PLXDC1: variants seen among roughly 807,000 people sequenced by gnomAD.
PLXDC1 encodes plexin domain-containing protein 1.
In PLXDC1, 39 loss-of-function variants were observed where a neutral mutation model predicts 61.3. The observed-to-expected ratio is 0.64, with a 90% confidence interval of 0.49 to 0.83. The LOEUF is 0.83. Ranked by LOEUF, PLXDC1 falls within the 40% of genes least tolerant of loss-of-function variation. The probability of loss-of-function intolerance (pLI) is 0.00; values close to 1 mark genes in which losing one functional copy is unlikely to be tolerated. For synonymous variants in PLXDC1, 212 were observed against 254.5 expected (o/e 0.83, Z 1.59); for missense variants, 596 against 666.5 (o/e 0.89, Z 1.17).
intron 2 of PLXDC1, among the ~76,000 whole-genome samples, chr17:39,112,433 T>A (rs1209657095): frequency 2.0e-5 from 3 of 151,664 alleles, no homozygotes; most frequent in Non-Finnish European, 4.4e-5. Context: ...TTAGATGCTA[T>A]TCAGCCCATC....
At chr17:39,104,391 G>T (rs1033200894) in intron 7 of PLXDC1, among the ~76,000 whole-genome samples, 1 of 152,102 alleles carries the variant, frequency 6.6e-6, no homozygotes, top group Non-Finnish European at 1.5e-5. Flanking sequence ...AAGGTACTGG[G>T]TAAGGCCTTT....
At chr17:39,075,238 C>T (rs114717527) in intron 11 of PLXDC1, among the ~76,000 whole-genome samples, 2,088 of 152,314 alleles carry the variant, frequency 0.014, 35 homozygotes, top group African/African-American at 0.047. Context: ...GGATTACAGG[C>T]GTAAGCCTCC....
chr17:39,092,231 T>C (rs1909982478), intron 7 of PLXDC1, among the ~76,000 whole-genome samples: 1 of 151,658 alleles, frequency 6.6e-6, no homozygotes, highest in African/African-American at 2.4e-5. Flanking sequence ...CACCCCATCA[T>C]GCCTGGCTAA....
rs367791150 is a variant in PLXDC1 at position 39,106,652 on chromosome 17, C to CTT, written c.712-701_712-700dup. 1.7e-3 allele frequency among the ~76,000 whole-genome samples: 232 copies of CTT among 139,876 alleles called. 3 individuals are homozygous for CTT. The highest frequency in any genetic ancestry group is 0.011 in the Middle Eastern group (3 of 274). The allele number at this position is 139,876 out of a possible 152,430, so 91.8% of individuals were successfully genotyped here. On this transcript the variant is annotated intron_variant, in intron 6 of 13. Coordinates refer to ENST00000315392, the MANE Select transcript of PLXDC1 (RefSeq NM_020405.5). ...TCTTTTTTCTTTTTTCTTTTTCTTTCTTTTTTTTTTTTTTTGAGACAGATT... is the reference window on the plus strand; with the variant it reads ...TCTTTTTTCTTTTTTCTTTTTCTTTCTTTTTTTTTTTTTTTTTGAGACAGATT...
rs1909158342 is a variant in PLXDC1, at chr17:39,072,436, AGTTCT to A, written c.1222+9_1222+13del. 2 of 1,542,240 alleles carry A rather than the reference AGTTCT, an allele frequency of 1.3e-6. No individual in the cohort carries two copies. Among genetic ancestry groups the A allele is most frequent in the South Asian group, 2.4e-5 (2 of 84,178 alleles). ...GCTGGGTCTGACGCTGAGGGCAGGC[AGTTCT>A]GTACTCACCGTCTCCTCCTGCATAG... On this transcript the variant is annotated intron_variant, in intron 12 of 13. Transcript: ENST00000315392.
intron 8 of PLXDC1, among the ~76,000 whole-genome samples, chr17:39,085,239 C>T (rs993443704): frequency 3.3e-5 from 5 of 152,226 alleles, no homozygotes; most frequent in African/African-American, 1.2e-4. Context: ...CCTTCAGTCA[C>T]TCTGGGAGGG....
intron 1 of PLXDC1, among the ~76,000 whole-genome samples, chr17:39,146,362 C>T (rs182284280): frequency 3.4e-4 from 51 of 152,092 alleles, no homozygotes; most frequent in Middle Eastern, 6.8e-3. Context: ...TGAGCCACCA[C>T]GCCTGGCCAG....
rs1910572852 is a variant in PLXDC1 at position 39,105,863 on chromosome 17, C to T, written c.802G>A (p.Asp268Asn). The change falls in exon 7 of 14, where the codon GAT (aspartate) becomes AAT (asparagine). Residue 268 changes from aspartate to asparagine, a missense_variant. By Grantham distance (23) the Asp-to-Asn change is conservative. Coordinates refer to ENST00000315392, the MANE Select transcript of PLXDC1 (RefSeq NM_020405.5). ...GTCCCTGAAGACTCACCTGGCACATCCGGGGATGGATTGAGAATCATGAAG... is the reference window on the plus strand; with the variant it reads ...GTCCCTGAAGACTCACCTGGCACATTCGGGGATGGATTGAGAATCATGAAG... ...DAFMILNPSP[D>N]VPESRRRSIF... 1 of 1,612,010 alleles carries T rather than the reference C, an allele frequency of 6.2e-7. No homozygotes were observed. Among genetic ancestry groups the T allele is most frequent in the Middle Eastern group, 1.7e-4 (1 of 6,060 alleles).
At chr17:39,101,067 G>A (rs1428198642) in intron 7 of PLXDC1, among the ~76,000 whole-genome samples, 1 of 152,234 alleles carries the variant, frequency 6.6e-6, no homozygotes, top group East Asian at 1.9e-4. Flanking sequence ...ATGGCATGGA[G>A]CAAGGGAAGC....
intron 11 of PLXDC1, among the ~76,000 whole-genome samples, chr17:39,075,472 G>A (rs951007252): frequency 3.3e-5 from 5 of 152,186 alleles, no homozygotes; most frequent in Non-Finnish European, 7.3e-5. Context: ...TGAGGGGAAA[G>A]ATCTCTGCTT....
intron 2 of PLXDC1, 60 bp from the exon 3 acceptor site, chr17:39,109,451 C>T (rs1481965085): frequency 1.3e-6 from 2 of 1,529,364 alleles, no homozygotes; most frequent in East Asian, 2.4e-5. Flanking sequence ...CCAGGACTGA[C>T]TCTCCGCCCT....
chr17:39,074,425 G>A (rs1909246110), intron 11 of PLXDC1, among the ~76,000 whole-genome samples: 1 of 151,886 alleles, frequency 6.6e-6, no homozygotes. Context: ...AGCCCTAACT[G>A]TCTTCACTTT....
At position 39,128,067 on chromosome 17, in the gene PLXDC1, GTC is replaced by G. The variant is rs376740692; in HGVS notation, c.255+11585_255+11586del. 2.4e-3 allele frequency among the ~76,000 whole-genome samples: 190 copies of G among 78,456 alleles called. 8 individuals carry two copies. The highest frequency in any genetic ancestry group is 6.8e-3 in the Middle Eastern group (1 of 148). The allele number at this position is 78,456 out of a possible 152,430, so 51.5% of individuals were successfully genotyped here. A position where few individuals can be genotyped will look rare whatever the true frequency, so the allele number is the denominator to read the frequency against. ...CAGCTCTCTCTCTCTCTCTCTCTCTGTCTCTCTCTCTCTCTCTCTCTCTCTAT... is the reference window on the plus strand; with the variant it reads ...CAGCTCTCTCTCTCTCTCTCTCTCTGTCTCTCTCTCTCTCTCTCTCTCTAT... On this transcript the variant is annotated intron_variant, in intron 2 of 13. Transcript: ENST00000315392.
chr17:39,090,721 G>A (rs1005941435), intron 7 of PLXDC1, among the ~76,000 whole-genome samples: 28 of 152,296 alleles, frequency 1.8e-4, no homozygotes, highest in African/African-American at 4.3e-4. Flanking sequence ...TCTCTGCCCC[G>A]ACTGCTTTTT....
intron 1 of PLXDC1, among the ~76,000 whole-genome samples, chr17:39,146,313 C>G (rs1433614927): frequency 6.6e-6 from 1 of 152,112 alleles, no homozygotes; most frequent in Non-Finnish European, 1.5e-5. Context: ...TCAAATGATG[C>G]TCCCGCCTTG....
At chr17:39,092,886 C>T (rs1910008383) in intron 7 of PLXDC1, among the ~76,000 whole-genome samples, 1 of 152,072 alleles carries the variant, frequency 6.6e-6, no homozygotes, top group South Asian at 2.1e-4. Context: ...GTAAATACTT[C>T]CACGGTAGCT....
At chr17:39,103,900 G>C (rs528015506) in intron 7 of PLXDC1, among the ~76,000 whole-genome samples, 2 of 151,352 alleles carry the variant, frequency 1.3e-5, no homozygotes, top group South Asian at 4.2e-4. Flanking sequence ...ATCTCAAAGA[G>C]GGATGTGCAA....
chr17:39,096,588 C>G (rs938741563), intron 7 of PLXDC1, among the ~76,000 whole-genome samples: 2 of 152,120 alleles, frequency 1.3e-5, no homozygotes, highest in African/African-American at 4.8e-5. Flanking sequence ...TATCTGGACT[C>G]AAGTCTGCCT....
intron 2 of PLXDC1, among the ~76,000 whole-genome samples, chr17:39,114,145 G>A (rs918746643): frequency 9.2e-5 from 14 of 152,160 alleles, no homozygotes; most frequent in African/African-American, 1.4e-4. Flanking sequence ...ACTAGATGGA[G>A]ACTTGGTCCC....
Sources: allele counts gnomAD v4.1 joint callset (sites outside exome capture counted in the v4.1 genomes callset), GRCh38; gene constraint gnomAD v4.1.1; transcripts MANE v1.5; gene names NCBI Gene and HGNC (gene_info 2026-07-23, HGNC 2026-07-21).